Variants in EHMT1 observed in about 807,000 individuals in gnomAD.
The protein encoded by EHMT1 is histone-lysine N-methyltransferase EHMT1.
A neutral mutation model predicts 147.2 loss-of-function variants in EHMT1; 15 were observed. The observed-to-expected ratio is 0.10, with a 90% CI of 0.07 to 0.16. The LOEUF is 0.16. EHMT1 is among the 10% of genes least tolerant of loss of function. The pLI is 1.00. For missense variants in EHMT1, 1,587 were observed against 1,772.4 expected (o/e 0.90, Z 1.88); for synonymous variants, 795 against 709.6 (o/e 1.12, Z -1.91).
chr9:137,826,190 C>T (rs1441206544), intron 25 of EHMT1, among the ~76,000 whole-genome samples: 1 of 152,144 alleles, frequency 6.6e-6, no homozygotes, highest in Non-Finnish European at 1.5e-5. Flanking sequence ...TGTGCCGTCT[C>T]CTTGCTGCCA....
At chr9:137,735,468 G>A (rs1335861321) in intron 4 of EHMT1, among the ~76,000 whole-genome samples, 1 of 152,170 alleles carries the variant, frequency 6.6e-6, no homozygotes. Flanking sequence ...AAAGAAGACA[G>A]TAGTGCAAGA....
intron 25 of EHMT1, among the ~76,000 whole-genome samples, chr9:137,826,164 G>A (rs1445750953): frequency 2.6e-5 from 4 of 151,580 alleles, no homozygotes; most frequent in Non-Finnish European, 5.9e-5. Context: ...TGGGTGGGGC[G>A]GTGTGTTCCT....
chr9:137,791,971 G>A (rs1302470508), intron 16 of EHMT1: 2 of 407,306 alleles, frequency 4.9e-6, no homozygotes, highest in Non-Finnish European at 1.0e-5. Flanking sequence ...GACCTCAGGT[G>A]ATCCGCCCGC....
At chr9:137,668,896 C>G (rs765571122) in intron 1 of EHMT1, among the ~76,000 whole-genome samples, 77 of 148,380 alleles carry the variant, frequency 5.2e-4, no homozygotes, top group Non-Finnish European at 1.0e-3. Flanking sequence ...AAGTTGTTTT[C>G]TTTTTTTGGA....
chr9:137,736,402 A>G (rs1168297962), intron 4 of EHMT1, among the ~76,000 whole-genome samples: 6 of 152,374 alleles, frequency 3.9e-5, no homozygotes, highest in African/African-American at 7.2e-5. Flanking sequence ...CCACTTATCA[A>G]TAATGGATAG....
rs143111142 is a variant in EHMT1, at chr9:137,652,508, C to T, written c.21+33459C>T. On this transcript the variant is annotated intron_variant, in intron 1 of 26. Transcript: ENST00000460843. ...TTGGAGCAATTCTCCTGCCTCAGCT[C>T]CTGAGTAGCTGGGATTACAGGTGTG... 7.4e-3 allele frequency among the ~76,000 whole-genome samples: 1,128 copies of T among 151,448 alleles called. 15 individuals carry two copies. The highest frequency in any genetic ancestry group is 0.026 in the African/African-American group (1,062 of 41,296).
intron 13 of EHMT1, among the ~76,000 whole-genome samples, chr9:137,779,125 G>C (rs1951181707): frequency 6.6e-6 from 1 of 152,232 alleles, no homozygotes; most frequent in South Asian, 2.1e-4. Flanking sequence ...GGGAGGGACA[G>C]AGGTCCACAC....
rs774693715 is a variant in EHMT1, at chr9:137,717,054, C to T, written c.514C>T (p.Pro172Ser). The change falls in exon 3 of 27, where the codon CCA becomes TCA. Residue 172 changes from proline to serine, a missense_variant. Around this residue, in one of 7 missense-constraint regions of EHMT1, gnomAD observed 810 missense variants for 673.0 expected, o/e 1.20. Transcript: ENST00000460843. ...GRTPSAFPQTPAAPPATLGEG... is the reference protein window; with the variant it reads ...GRTPSAFPQTSAAPPATLGEG... ...GACTCCAAGCGCTTTTCCCCAGACG[C>T]CAGCCGCCCCACCAGCCACCCTTGG... 14 of 1,607,152 alleles carry T rather than the reference C, an allele frequency of 8.7e-6. No homozygotes were observed. The East Asian group carries it at 2.9e-4, about 33-fold the overall frequency.
intron 1 of EHMT1, among the ~76,000 whole-genome samples, chr9:137,679,156 G>T (rs1167122186): frequency 6.6e-6 from 1 of 152,084 alleles, no homozygotes; most frequent in African/African-American, 2.4e-5. Context: ...TCACCATGTT[G>T]GCCAGGCTGG....
At chr9:137,701,179 G>T (rs1342161412) in intron 1 of EHMT1, among the ~76,000 whole-genome samples, 1 of 152,038 alleles carries the variant, frequency 6.6e-6, no homozygotes, top group Non-Finnish European at 1.5e-5. Context: ...CAACATTGAG[G>T]ATTACAGTTA....
At chr9:137,784,260 C>G in intron 15 of EHMT1, 1 of 1,510,820 alleles carries the variant, frequency 6.6e-7, no homozygotes, top group Non-Finnish European at 8.9e-7. Flanking sequence ...GGGAGCAGGT[C>G]CATTCCTGGG....
intron 9 of EHMT1, among the ~76,000 whole-genome samples, chr9:137,762,457 CA>C (rs1189756671): frequency 6.6e-6 from 1 of 152,158 alleles, no homozygotes; most frequent in Non-Finnish European, 1.5e-5. Context: ...GAGACCCTGT[CA>C]GGGGGTTTGT....
At chr9:137,815,685 G>A (rs770773581) in intron 22 of EHMT1, 9 of 501,920 alleles carry the variant, frequency 1.8e-5, no homozygotes, top group Non-Finnish European at 3.3e-5. Context: ...GAAGGCCCTG[G>A]GTGGACAGAA....
chr9:137,625,520 T>C (rs1843201130), intron 1 of EHMT1, among the ~76,000 whole-genome samples: 1 of 151,992 alleles, frequency 6.6e-6, no homozygotes, highest in Non-Finnish European at 1.5e-5. Flanking sequence ...GTATTTTTAG[T>C]AGAGATGGGG....
At chr9:137,647,570 G>A (rs1218331629) in intron 1 of EHMT1, among the ~76,000 whole-genome samples, 1 of 150,606 alleles carries the variant, frequency 6.6e-6, no homozygotes, top group Non-Finnish European at 1.5e-5. Flanking sequence ...CAGACTTCCT[G>A]TGCCTTCTGG....
chr9:137,737,094 C>T (rs1198420840), intron 4 of EHMT1, among the ~76,000 whole-genome samples: 2 of 152,192 alleles, frequency 1.3e-5, no homozygotes, highest in Non-Finnish European at 1.5e-5. Flanking sequence ...GTTCCAGCTA[C>T]TCCAGAGCCC....
chr9:137,762,604 A>G, intron 9 of EHMT1, 71 bp from the exon 10 acceptor site: 1 of 1,609,950 alleles, frequency 6.2e-7, no homozygotes. Context: ...TTGAGACTAT[A>G]ATCGATCACT....
At chr9:137,800,249 C>G (rs891121667) in intron 17 of EHMT1, 1 of 152,878 alleles carries the variant, frequency 6.5e-6, no homozygotes, top group Non-Finnish European at 1.5e-5. Flanking sequence ...GAAAATTGCC[C>G]GGGCCCACTG....
intron 2 of EHMT1, chr9:137,715,558 C>T (rs952792708): frequency 1.2e-4 from 115 of 985,318 alleles, no homozygotes; most frequent in Non-Finnish European, 1.1e-4. Flanking sequence ...TGGGCGGTGG[C>T]ATCTCAGGCT....
Sources: gnomAD v4.1 joint callset for allele counts (sites outside exome capture counted in the v4.1 genomes callset) on GRCh38, gnomAD v4.1.1 for gene constraint, gnomAD v4.1.1 regional missense constraint, MANE v1.5 for transcripts, NCBI Gene and HGNC (gene_info 2026-07-23, HGNC 2026-07-21) for gene names.